Variants in XIRP2 observed in about 807,000 individuals in gnomAD.
XIRP2 encodes xin actin-binding repeat-containing protein 2.
In XIRP2, 236 loss-of-function variants were observed where a neutral mutation model predicts 277.0. The observed-to-expected ratio is 0.85, with a 90% confidence interval of 0.77 to 0.95. XIRP2 has a LOEUF of 0.95. Ranked by LOEUF, XIRP2 falls within the 40% of genes least tolerant of loss-of-function variation. The pLI is 0.00. For synonymous variants in XIRP2, 1,490 were observed against 1,416.5 expected (o/e 1.05, Z -1.17); for missense variants, 4,640 against 4,157.5 (o/e 1.12, Z -3.19).
At chr2:166,906,904 AGT>A (rs1400176044) in intron 2 of XIRP2, among the ~76,000 whole-genome samples, 2 of 152,152 alleles carry the variant, frequency 1.3e-5, no homozygotes, top group Non-Finnish European at 2.9e-5. Context: ...TGGGTGACAG[AGT>A]GAGACTCCAT....
Position 167,251,563 on chromosome 2 carries a change from T to C in XIRP2, c.10171T>C (p.Cys3391Arg), listed in dbSNP as rs775002154. The C allele has an allele frequency of 4.3e-6, 7 of 1,613,566 alleles. No homozygotes were observed. The South Asian group carries it at 7.7e-5, about 18-fold the overall frequency. Residue 3391 changes from cysteine (C) to arginine (R), a missense_variant, in exon 9 of 11, where the codon TGC becomes CGC. Physicochemically the swap from Cys to Arg is radical, Grantham distance 180. Coordinates refer to ENST00000409195, the MANE Select transcript of XIRP2 (RefSeq NM_152381.6). ...AAACACGAGTTTTACAGACTTTTCT[T>C]GCAAACATCCTAGAGAACTGCGAGA... Reference protein sequence around the residue: ...LGNTSFTDFSCKHPRELREKI... With the variant: ...LGNTSFTDFSRKHPRELREKI...
chr2:167,093,762 G>C (rs1574249173), intron 2 of XIRP2, among the ~76,000 whole-genome samples: 4 of 151,984 alleles, frequency 2.6e-5, no homozygotes, highest in African/African-American at 9.7e-5. Context: ...TTGTGAATAG[G>C]ACCGCAATAA....
At position 167,239,906 on chromosome 2, in the gene XIRP2, G is replaced by A. The variant is rs368648631; in HGVS notation, c.910G>A (p.Ala304Thr). 4.4e-6 allele frequency: 7 copies of A among 1,607,988 alleles called. No homozygotes were observed. The highest frequency in any genetic ancestry group is 5.9e-6 in the Non-Finnish European group (7 of 1,178,064). Residue 304 changes from alanine to threonine, a missense_variant, in exon 6 of 11, where the codon GCA (alanine) becomes ACA (threonine). Ala to Thr is a moderately conservative substitution (Grantham distance 58). Coordinates refer to ENST00000409195, the MANE Select transcript of XIRP2 (RefSeq NM_152381.6). ...CACTTCAAGAAGCAGCCAGGAAATG[G>A]CAAGAAATGAACAAGAAGGGTCCAA... ...VGTSRSSQEM[A>T]RNEQEGSKVQ...
intron 2 of XIRP2, among the ~76,000 whole-genome samples, chr2:167,116,712 GTA>G (rs939371622): frequency 1.3e-5 from 2 of 152,206 alleles, no homozygotes; most frequent in African/African-American, 4.8e-5. Context: ...ATTAGTTAAT[GTA>G]ATGTTTAACT....
intron 2 of XIRP2, among the ~76,000 whole-genome samples, chr2:167,121,337 A>G (rs1464715851): frequency 6.6e-6 from 1 of 152,128 alleles, no homozygotes; most frequent in African/African-American, 2.4e-5. Flanking sequence ...TCATTTTTAG[A>G]TCATTCATGC....
intron 2 of XIRP2, among the ~76,000 whole-genome samples, chr2:167,008,042 G>C (rs1412465256): frequency 1.3e-5 from 2 of 151,434 alleles, no homozygotes. Flanking sequence ...TCTTCTTAAA[G>C]GGGATGTCCA....
chr2:167,027,607 C>G (rs1337388648), intron 2 of XIRP2, among the ~76,000 whole-genome samples: 4 of 152,052 alleles, frequency 2.6e-5, no homozygotes, highest in Non-Finnish European at 2.9e-5. Flanking sequence ...TCCAGGTTTT[C>G]TGCTCTGTTT....
At chr2:167,051,288 AT>A (rs1216184368) in intron 2 of XIRP2, among the ~76,000 whole-genome samples, 13 of 152,118 alleles carry the variant, frequency 8.5e-5, no homozygotes, top group Non-Finnish European at 1.5e-4. Context: ...TTGCCTTACC[AT>A]TTACAGTGTG....
At chr2:167,163,285 C>T (rs1276687850) in intron 3 of XIRP2, among the ~76,000 whole-genome samples, 6 of 152,198 alleles carry the variant, frequency 3.9e-5, no homozygotes, top group African/African-American at 7.2e-5. Context: ...CTCTAATCAG[C>T]AATGTGTGAG....
chr2:167,239,757 C>CG (rs1694998964), intron 5 of XIRP2, 98 bp from the exon 6 acceptor site: 10 of 977,800 alleles, frequency 1.0e-5, no homozygotes, highest in Non-Finnish European at 1.5e-6. Context: ...TAAAGAATCT[C>CG]ATTTTTTTTC....
At chr2:167,011,908 C>T (rs1687689887) in intron 2 of XIRP2, among the ~76,000 whole-genome samples, 1 of 151,988 alleles carries the variant, frequency 6.6e-6, no homozygotes, top group Non-Finnish European at 1.5e-5. Context: ...TCTGTGGGAT[C>T]AGTGGTGATA....
At position 166,969,175 on chromosome 2, in the gene XIRP2, C is replaced by G. The variant is rs73973543; in HGVS notation, c.408+65285C>G. Among the ~76,000 whole-genome samples, 527 of 152,034 alleles carry G rather than the reference C, an allele frequency of 3.5e-3. 3 individuals carry two copies. Among genetic ancestry groups the G allele is most frequent in the African/African-American group, 0.012 (498 of 41,504 alleles). ...AGTGAAAAAAATATTGAATATAAGT[C>G]TTGAACAGCATTCTGAAGAGAACTA... On this transcript the variant is annotated intron_variant, in intron 2 of 10. Transcript: ENST00000409195.
chr2:167,187,460 C>G, intron 3 of XIRP2: 1 of 985,312 alleles, frequency 1.0e-6, no homozygotes, highest in Non-Finnish European at 1.2e-6. Flanking sequence ...AGGGAGGAAG[C>G]TAGTCTGTGA....
At chr2:166,982,177 T>C (rs1050086362) in intron 2 of XIRP2, among the ~76,000 whole-genome samples, 17 of 152,102 alleles carry the variant, frequency 1.1e-4, no homozygotes, top group Non-Finnish European at 2.5e-4. Flanking sequence ...TTCACTCTTT[T>C]TAAATCTCCA....
rs372527771 is a variant in XIRP2, at chr2:167,246,339, T to C, written c.4947T>C (p.Ala1649=). 3.0e-5 allele frequency: 48 copies of C among 1,612,424 alleles called. No individual in the cohort carries two copies. In the African/African-American group the frequency reaches 6.0e-4, roughly 20 times the overall value. Residue 1649 remains alanine, a synonymous_variant, in exon 9 of 11, where the codon GCT becomes GCC. Transcript: ENST00000409195. ...TAAACAGATCAACTGAATTTCATGC[T>C]GAAAAAGAAGAGATAGTGAAAGGTG... ...QLLNRSTEFH[A]EKEEIVKGDV...
At chr2:166,971,316 G>A (rs1164072688) in intron 2 of XIRP2, among the ~76,000 whole-genome samples, 1 of 151,950 alleles carries the variant, frequency 6.6e-6, no homozygotes, top group Non-Finnish European at 1.5e-5. Context: ...CTCAGTGTTT[G>A]TTGAATAAAT....
At position 167,005,491 on chromosome 2, in the gene XIRP2, T is replaced by C. The variant is rs1187991238; in HGVS notation, c.408+101601T>C. Among the ~76,000 whole-genome samples the C allele has an allele frequency of 8.6e-5, 13 of 151,830 alleles. No individual in the cohort carries two copies. In the Admixed American group the frequency reaches 8.6e-4, roughly 10 times the overall value. ...GTGAGTCAGTGGGTGCTGAAAATGT[T>C]GAGAATTATTTAAAACAACTGAGAA... On this transcript the variant is annotated intron_variant, in intron 2 of 10. Transcript: ENST00000409195.
chr2:167,100,189 A>T (rs1489667600), intron 2 of XIRP2, among the ~76,000 whole-genome samples: 1 of 152,120 alleles, frequency 6.6e-6, no homozygotes, highest in Non-Finnish European at 1.5e-5. Flanking sequence ...ATTAAAAAAA[A>T]ATTACAAAAT....
chr2:167,101,623 A>T (rs1014163089), intron 2 of XIRP2, among the ~76,000 whole-genome samples: 4 of 152,164 alleles, frequency 2.6e-5, no homozygotes, highest in Admixed American at 2.6e-4. Context: ...CTCCAATTCC[A>T]TCCAGGTTGC....
Sources: gnomAD v4.1 joint callset for allele counts (sites outside exome capture counted in the v4.1 genomes callset) on GRCh38, gnomAD v4.1.1 for gene constraint, MANE v1.5 for transcripts, NCBI Gene and HGNC (gene_info 2026-07-23, HGNC 2026-07-21) for gene names.